The following GABRA3 variants were observed in gnomAD, a reference collection of about 807,000 sequenced individuals.
GABRA3 encodes the protein gamma-aminobutyric acid receptor subunit alpha-3.
GABRA3 carries 10 observed loss-of-function variants against 30.1 expected under a neutral mutation model. That is an observed-to-expected ratio of 0.33 (90% CI 0.20 to 0.56). The LOEUF is 0.56. Among genes scored for constraint, GABRA3 ranks in the 20% least tolerant of loss-of-function variants. The pLI, the probability that GABRA3 is intolerant of heterozygous loss-of-function variation, is 0.89. For missense variants in GABRA3, 233 were observed against 392.0 expected (o/e 0.59, Z 3.42); for synonymous variants, 151 against 146.8 (o/e 1.03, Z -0.21).
At chrX:152,423,340 G>C (rs921096261) in intron 1 of GABRA3, among the ~76,000 whole-genome samples, 10 of 111,715 alleles carry the variant, frequency 9.0e-5, no homozygotes, top group Non-Finnish European at 1.9e-4. Context: ...TTAAAGTTTG[G>C]TACTGAGGTA....
intron 1 of GABRA3, among the ~76,000 whole-genome samples, chrX:152,423,942 T>C (rs780615583): frequency 1.8e-5 from 2 of 111,384 alleles, no homozygotes; most frequent in South Asian, 3.8e-4. Flanking sequence ...ATCATAAAAA[T>C]ACACACTAAA....
At chrX:152,354,819 A>C (rs1038686597) in intron 2 of GABRA3, among the ~76,000 whole-genome samples, 26 of 111,517 alleles carry the variant, frequency 2.3e-4, no homozygotes, top group African/African-American at 8.5e-4. Context: ...GGAGCCTAGG[A>C]ACTGACAGCC....
At chrX:152,260,538 AG>A (rs1223051766) in intron 4 of GABRA3, among the ~76,000 whole-genome samples, 1 of 111,787 alleles carries the variant, frequency 8.9e-6, no homozygotes, top group Non-Finnish European at 1.9e-5. Context: ...CTTAGAACAT[AG>A]GGAGAGACTT....
chrX:152,307,632 A>G (rs983898471), intron 3 of GABRA3, among the ~76,000 whole-genome samples: 10 of 111,732 alleles, frequency 8.9e-5, no homozygotes, highest in African/African-American at 2.6e-4. Flanking sequence ...CACTCTGAGC[A>G]TATCTTCGGA....
At chrX:152,248,336 A>G (rs984685874) in intron 5 of GABRA3, among the ~76,000 whole-genome samples, 2 of 111,689 alleles carry the variant, frequency 1.8e-5, no homozygotes, top group African/African-American at 6.5e-5. Flanking sequence ...GTCAGTAGAC[A>G]TGAGTATGCC....
chrX:152,387,776 A>G (rs1351808269), intron 1 of GABRA3, among the ~76,000 whole-genome samples: 1 of 111,783 alleles, frequency 8.9e-6, no homozygotes, highest in African/African-American at 3.2e-5. Context: ...CTTTTTAAAA[A>G]AATGCTAAAC....
At chrX:152,415,798 A>G (rs1371391607) in intron 1 of GABRA3, among the ~76,000 whole-genome samples, 1 of 111,292 alleles carries the variant, frequency 9.0e-6, no homozygotes, top group Admixed American at 9.6e-5. Flanking sequence ...ATTATTTCAA[A>G]ATAAAAAACA....
intron 9 of GABRA3, among the ~76,000 whole-genome samples, chrX:152,182,729 G>A (rs1260901003): frequency 5.0e-5 from 1 of 19,855 alleles, no homozygotes; most frequent in South Asian, 1.7e-3. Flanking sequence ...TAGGTATAGT[G>A]TATATATACA....
chrX:152,339,282 C>T (rs911639529), intron 3 of GABRA3, among the ~76,000 whole-genome samples: 3 of 108,084 alleles, frequency 2.8e-5, no homozygotes, highest in Admixed American at 9.9e-5. Flanking sequence ...GGCTGGAGTG[C>T]GGTGGTGTGA....
intron 1 of GABRA3, among the ~76,000 whole-genome samples, chrX:152,414,814 A>C (rs1444874089): frequency 1.9e-5 from 2 of 105,463 alleles, no homozygotes; most frequent in African/African-American, 6.9e-5. Flanking sequence ...AAACAATGCA[A>C]TATTATTATT....
chrX:152,274,478 T>C (rs1356221350), intron 4 of GABRA3, among the ~76,000 whole-genome samples: 3 of 111,434 alleles, frequency 2.7e-5, no homozygotes, highest in Non-Finnish European at 3.8e-5. Flanking sequence ...GATCATTCTC[T>C]TTCAATATGA....
intron 2 of GABRA3, among the ~76,000 whole-genome samples, chrX:152,357,182 T>C (rs573800452): frequency 5.4e-5 from 6 of 112,000 alleles, no homozygotes; most frequent in African/African-American, 1.6e-4. Context: ...CTTTCCACAA[T>C]GGCTGAACTA....
chrX:152,237,118 T>C (rs1399228959), intron 5 of GABRA3, among the ~76,000 whole-genome samples: 2 of 111,496 alleles, frequency 1.8e-5, no homozygotes, highest in African/African-American at 3.3e-5. Context: ...CTAGGGTTTT[T>C]ATGGTTTTAG....
At chrX:152,314,162 A>G (rs1303337476) in intron 3 of GABRA3, among the ~76,000 whole-genome samples, 2 of 111,557 alleles carry the variant, frequency 1.8e-5, no homozygotes, top group Non-Finnish European at 3.8e-5. Flanking sequence ...ACACAATCAG[A>G]GTATTTGTCT....
In GABRA3 at chrX:152,168,110, G is replaced by A; in HGVS notation, c.*118C>T. Reference sequence around the variant, plus strand: ...TCATAAATATGAATTGAGGGTCACAGCTTGGTAGAGGGGTAAAAAGGAGAA... The same window carrying A: ...TCATAAATATGAATTGAGGGTCACAACTTGGTAGAGGGGTAAAAAGGAGAA... On this transcript the variant is annotated 3_prime_UTR_variant, in exon 10 of 10. Transcript: ENST00000370314. 1 of 546,035 alleles carries A rather than the reference G, an allele frequency of 1.8e-6. No individual in the cohort carries two copies. The highest frequency in any genetic ancestry group is 3.0e-6 in the Non-Finnish European group (1 of 328,328). 45.0% of individuals were successfully genotyped at this position (546,035 alleles called of 1,213,427 possible).
At chrX:152,296,449 C>T (rs1939529519) in intron 3 of GABRA3, among the ~76,000 whole-genome samples, 1 of 111,703 alleles carries the variant, frequency 9.0e-6, no homozygotes, top group Non-Finnish European at 1.9e-5. Context: ...GATAAACACT[C>T]TGGAAGAATC....
chrX:152,388,813 G>A (rs999776666), intron 1 of GABRA3, among the ~76,000 whole-genome samples: 1 of 112,045 alleles, frequency 8.9e-6, no homozygotes, highest in Non-Finnish European at 1.9e-5. Flanking sequence ...AGCACACAGG[G>A]TACATGAACA....
intron 8 of GABRA3, among the ~76,000 whole-genome samples, chrX:152,194,425 A>T (rs1569351986): frequency 9.0e-6 from 1 of 110,647 alleles, no homozygotes. Flanking sequence ...ATTTCAAAAT[A>T]TTTTTTTAGG....
intron 4 of GABRA3, among the ~76,000 whole-genome samples, chrX:152,264,368 G>T (rs1938785004): frequency 2.7e-5 from 3 of 111,782 alleles, no homozygotes; most frequent in African/African-American, 9.7e-5. Flanking sequence ...ATTTTTATTA[G>T]TTTTCTTTTT....
Sources: allele counts gnomAD v4.1 joint callset (sites outside exome capture counted in the v4.1 genomes callset), GRCh38; gene constraint gnomAD v4.1.1; transcripts MANE v1.5; gene names NCBI Gene and HGNC (gene_info 2026-07-23, HGNC 2026-07-21).